GRM1: variants seen among roughly 807,000 people sequenced by gnomAD.
The protein encoded by GRM1 is metabotropic glutamate receptor 1.
A neutral mutation model predicts 90.9 loss-of-function variants in GRM1; 33 were observed. The observed-to-expected ratio is 0.36, with a 90% CI of 0.28 to 0.49. The LOEUF (loss-of-function observed/expected upper bound fraction) is 0.49. GRM1 is among the 20% of genes least tolerant of loss of function. The pLI is 0.99. For missense variants in GRM1, 1,190 were observed against 1,534.3 expected, an observed-to-expected ratio of 0.78 and a Z score of 3.75; for synonymous variants, 700 against 613.2, an observed-to-expected ratio of 1.14 and a Z score of -2.09.
chr6:146,425,486 T>C (rs1296569638), intron 7 of GRM1, among the ~76,000 whole-genome samples: 2 of 151,892 alleles, frequency 1.3e-5, no homozygotes, highest in East Asian at 3.9e-4. Context: ...GTCTTTGATT[T>C]GCCAGGAGCC....
At chr6:146,375,050 C>T (rs76591604) in intron 5 of GRM1, among the ~76,000 whole-genome samples, 47 of 151,958 alleles carry the variant, frequency 3.1e-4, no homozygotes, top group African/African-American at 1.0e-3. Flanking sequence ...CCACACTATC[C>T]ATAGGTTTGG....
At chr6:146,078,470 GT>G (rs1287325183) in intron 1 of GRM1, among the ~76,000 whole-genome samples, 1 of 152,194 alleles carries the variant, frequency 6.6e-6, no homozygotes, top group African/African-American at 2.4e-5. Context: ...ATTTGGATAT[GT>G]GGGGTCCACT....
chr6:146,398,183 A>G (rs1394028867), intron 6 of GRM1, among the ~76,000 whole-genome samples: 3 of 152,182 alleles, frequency 2.0e-5, no homozygotes, highest in African/African-American at 7.2e-5. Context: ...GATACAGATC[A>G]TTCATGATTC....
intron 2 of GRM1, among the ~76,000 whole-genome samples, chr6:146,291,522 A>C (rs73577164): frequency 6.6e-6 from 1 of 151,694 alleles, no homozygotes; most frequent in Non-Finnish European, 1.5e-5. Context: ...TTATTATTCT[A>C]AGAAAGTCCC....
chr6:146,216,653 G>A (rs570163504), intron 2 of GRM1, among the ~76,000 whole-genome samples: 1 of 152,292 alleles, frequency 6.6e-6, no homozygotes, highest in African/African-American at 2.4e-5. Flanking sequence ...ACTGTGGCTC[G>A]AAGGGGCAGC....
chr6:146,274,528 G>T (rs889219410), intron 2 of GRM1, among the ~76,000 whole-genome samples: 43 of 152,114 alleles, frequency 2.8e-4, no homozygotes, highest in African/African-American at 6.7e-4. Context: ...AATTATTTTT[G>T]TTCTCACAGT....
chr6:146,126,905 T>C (rs1442636199), intron 1 of GRM1, among the ~76,000 whole-genome samples: 1 of 152,176 alleles, frequency 6.6e-6, no homozygotes, highest in African/African-American at 2.4e-5. Context: ...GCTGAGCCTC[T>C]CAGGAGTAGG....
intron 1 of GRM1, among the ~76,000 whole-genome samples, chr6:146,107,576 G>A (rs149690498): frequency 5.7e-4 from 87 of 152,192 alleles, no homozygotes; most frequent in African/African-American, 2.0e-3. Context: ...CAAATTCTGA[G>A]CTCTCCTGGG....
intron 2 of GRM1, among the ~76,000 whole-genome samples, chr6:146,223,383 G>A (rs1313339876): frequency 6.6e-6 from 1 of 151,994 alleles, no homozygotes; most frequent in Non-Finnish European, 1.5e-5. Context: ...CCAGGAAGAA[G>A]TCATGATGTT....
chr6:146,422,235 A>G (rs939828774), intron 7 of GRM1, among the ~76,000 whole-genome samples: 4 of 152,200 alleles, frequency 2.6e-5, no homozygotes, highest in African/African-American at 9.6e-5. Context: ...TGACAAATCC[A>G]TTCAAAGTCA....
At chr6:146,396,848 A>AT (rs1404763298) in intron 6 of GRM1, among the ~76,000 whole-genome samples, 5 of 152,206 alleles carry the variant, frequency 3.3e-5, no homozygotes, top group Non-Finnish European at 5.9e-5. Flanking sequence ...AGGTTATATG[A>AT]CTTAATATAT....
intron 1 of GRM1, among the ~76,000 whole-genome samples, chr6:146,141,763 G>T (rs886861468): frequency 6.6e-6 from 1 of 152,050 alleles, no homozygotes; most frequent in Non-Finnish European, 1.5e-5. Flanking sequence ...TGTTAAATTT[G>T]TCTGATAGGA....
chr6:146,123,615 A>G (rs943645583), intron 1 of GRM1, among the ~76,000 whole-genome samples: 1 of 152,194 alleles, frequency 6.6e-6, no homozygotes, highest in Admixed American at 6.5e-5. Context: ...CTCACCATCC[A>G]ATACCCAACT....
At position 146,305,800 on chromosome 6, in the gene GRM1, A is replaced by G. The variant is rs192102506; in HGVS notation, c.1186+954A>G. ...ATTACGCCCATGTATAAAACACTGT[A>G]TATAGCAAACAAAGGGGGATAGAGA... On this transcript the variant is annotated intron_variant, in intron 3 of 7. Coordinates refer to ENST00000282753, the MANE Select transcript of GRM1 (RefSeq NM_001278064.2). 2.3e-3 allele frequency among the ~76,000 whole-genome samples: 348 copies of G among 152,312 alleles called. 2 individuals are homozygous for G. The highest frequency in any genetic ancestry group is 8.1e-3 in the African/African-American group (336 of 41,576).
At chr6:146,177,616 T>C (rs1778381712) in intron 2 of GRM1, among the ~76,000 whole-genome samples, 1 of 152,154 alleles carries the variant, frequency 6.6e-6, no homozygotes, top group African/African-American at 2.4e-5. Context: ...ATGAATTGCA[T>C]TCCTTTCTCA....
At chr6:146,117,761 C>T (rs927913744) in intron 1 of GRM1, among the ~76,000 whole-genome samples, 17 of 152,070 alleles carry the variant, frequency 1.1e-4, no homozygotes, top group Admixed American at 5.2e-4. Context: ...AAGACCCCCC[C>T]ATTTGCACAT....
At chr6:146,225,237 T>C (rs1194041907) in intron 2 of GRM1, among the ~76,000 whole-genome samples, 2 of 152,168 alleles carry the variant, frequency 1.3e-5, no homozygotes, top group Admixed American at 1.3e-4. Flanking sequence ...TCCAGCTTTT[T>C]ACCTATGAGA....
At chr6:146,337,749 C>T (rs760029053) in intron 3 of GRM1, among the ~76,000 whole-genome samples, 1 of 152,034 alleles carries the variant, frequency 6.6e-6, no homozygotes, top group Non-Finnish European at 1.5e-5. Context: ...AAAATTATAA[C>T]GACTTGAAAA....
intron 1 of GRM1, among the ~76,000 whole-genome samples, chr6:146,041,401 T>C (rs1454716476): frequency 6.6e-6 from 1 of 151,986 alleles, no homozygotes; most frequent in Non-Finnish European, 1.5e-5. Flanking sequence ...GTGATGTGTA[T>C]TTACAGGTTC....
Sources: allele counts gnomAD v4.1 joint callset (sites outside exome capture counted in the v4.1 genomes callset), GRCh38; gene constraint gnomAD v4.1.1; transcripts MANE v1.5; gene names NCBI Gene and HGNC (gene_info 2026-07-23, HGNC 2026-07-21).